PI4KB: variants seen among roughly 807,000 people sequenced by gnomAD.
The protein encoded by PI4KB is PtdIns 4-kinase beta.
Under a neutral mutation model 81.4 loss-of-function variants are expected in PI4KB, and 23 were observed. The observed-to-expected ratio is 0.28, with a 90% CI of 0.20 to 0.40. The LOEUF (loss-of-function observed/expected upper bound fraction) is 0.40. Ranked by LOEUF, PI4KB falls within the 10% of genes least tolerant of loss-of-function variation. PI4KB has a pLI of 1.00. For synonymous variants in PI4KB, 381 were observed against 406.8 expected (o/e 0.94, Z 0.76); for missense variants, 651 against 1,036.6 (o/e 0.63, Z 5.11).
intron 1 of PI4KB, among the ~76,000 whole-genome samples, chr1:151,324,578 G>A (rs1298267714): frequency 6.6e-6 from 1 of 152,142 alleles, no homozygotes; most frequent in East Asian, 1.9e-4. Context: ...CTAGCACGAG[G>A]GTAGGGAGGG....
chr1:151,305,168 G>A (rs1009189722), intron 5 of PI4KB, among the ~76,000 whole-genome samples: 1 of 152,160 alleles, frequency 6.6e-6, no homozygotes, highest in Non-Finnish European at 1.5e-5. Context: ...GTTTCACCTT[G>A]TTGGCCAGGC....
chr1:151,319,293 CAA>C (rs535069823), intron 1 of PI4KB, among the ~76,000 whole-genome samples: 16 of 109,720 alleles, frequency 1.5e-4, no homozygotes, highest in Admixed American at 1.9e-4. Context: ...GACTCTGTCT[CAA>C]AAAAAAAAAA....
At chr1:151,304,850 AG>A (rs1695620142) in intron 5 of PI4KB, among the ~76,000 whole-genome samples, 1 of 129,082 alleles carries the variant, frequency 7.7e-6, no homozygotes, top group East Asian at 2.4e-4. Flanking sequence ...TTTTCTTTTG[AG>A]ACGGAATTTT....
In PI4KB at chr1:151,294,397, T is replaced by G. The variant is rs773727750; in HGVS notation, c.2148+12A>C. The G allele has an allele frequency of 2.5e-6, 4 of 1,613,498 alleles. No individual in the cohort carries two copies. Among genetic ancestry groups the G allele is most frequent in the Non-Finnish European group, 3.4e-6 (4 of 1,179,844 alleles). On this transcript the variant is annotated intron_variant, in intron 10 of 11. Transcript: ENST00000368873. ...AATGACCCCCGAGAGGCACCTCTCC[T>G]TCTTGACTCACATCCACAAACTCTG...
Position 151,294,108 on chromosome 1 carries a change from TG to T in PI4KB, c.2178del (p.Phe726LeufsTer7). 6.2e-7 allele frequency: 1 copy of T among 1,613,996 alleles called. No individual in the cohort carries two copies. The highest frequency in any genetic ancestry group is 8.5e-7 in the Non-Finnish European group (1 of 1,179,950). On this transcript the variant is annotated frameshift_variant, in exon 11 of 12. Transcript: ENST00000368873. LOFTEE classifies it high-confidence loss of function. ...TGCAGCATCAGCATCTTATAGTAGT[TG>T]AACATGTCGCCATCCAGGCCGCCCA... Reference protein sequence around the residue: ...DVMGGLDGDMFNYYKMLMLQG... With the variant: ...DVMGGLDGDMXNYYKMLMLQG...
Position 151,293,914 on chromosome 1 carries a change from CT to C in PI4KB, c.2269+103del. 3 of 1,296,758 alleles carry C rather than the reference CT, an allele frequency of 2.3e-6. 1 individual carries two copies. The South Asian group carries it at 4.2e-5, about 18-fold the overall frequency. The allele number at this position is 1,296,758 out of a possible 1,614,324, so 80.3% of individuals were successfully genotyped here. A position where few individuals can be genotyped will look rare whatever the true frequency, so the allele number is the denominator to read the frequency against. ...AGCTAGAAACTCTCTGGGAACCCCC[CT>C]CCCTCAACCGAGTCTCGTGGGATCA... On this transcript the variant is annotated intron_variant, in intron 11 of 11. Transcript: ENST00000368873.
chr1:151,292,802 T>G lies in PI4KB; in HGVS notation c.*50A>C, dbSNP rs777252576. On this transcript the variant is annotated 3_prime_UTR_variant, in exon 12 of 12. Coordinates refer to ENST00000368873, the MANE Select transcript of PI4KB (RefSeq NM_001369623.2). ...TTTGGGGTTTCTCAGACAAGGGCCC[T>G]CTAGGGAGGGTGCCCTGGACCCCCC... 2.5e-6 allele frequency: 4 copies of G among 1,570,080 alleles called. No individual in the cohort carries two copies. In the East Asian group the frequency reaches 9.0e-5, roughly 35 times the overall value.
At position 151,292,044 on chromosome 1, in the gene PI4KB, TTTGTATCTTGGACACTGAGGCATCCG is replaced by T. The variant is rs1319398667; in HGVS notation, c.*782_*807del. The T allele has an allele frequency of 3.3e-5, 5 of 152,008 alleles. No individual in the cohort carries two copies. Among genetic ancestry groups the T allele is most frequent in the Non-Finnish European group, 7.3e-5 (5 of 68,030 alleles). 9.4% of individuals were successfully genotyped at this position (152,008 alleles called of 1,614,324 possible). ...AAAAGCAAACTTCTATGTAGTGCCT[TTTGTATCTTGGACACTGAGGCATCCG>T]TTCATACCTCATCACCCATCTCCCC... is the stretch of plus-strand genomic sequence containing the variant. On this transcript the variant is annotated 3_prime_UTR_variant, in exon 12 of 12. Transcript: ENST00000368873.
rs773714401 is a variant in PI4KB at position 151,310,225 on chromosome 1, T to C, written c.940A>G (p.Asn314Asp). Residue 314 changes from asparagine (N) to aspartate (D), a missense_variant, in exon 3 of 12, where the codon AAT becomes GAT. By Grantham distance (23) the Asn-to-Asp change is conservative. Coordinates refer to ENST00000368873, the MANE Select transcript of PI4KB (RefSeq NM_001369623.2). ...GCCCCACTTACGGAACTGAATGAAT[T>C]ATCAATACTCTCGGTGCTGGAGGAG... ...ELSSSTESID[N>D]SFSSPVRLAP... is the part of the protein sequence containing the mutation. 1 of 1,608,120 alleles carries C rather than the reference T, an allele frequency of 6.2e-7. No homozygotes were observed. Among genetic ancestry groups the C allele is most frequent in the Non-Finnish European group, 8.5e-7 (1 of 1,177,912 alleles).
chr1:151,324,101 C>T (rs895288574), intron 1 of PI4KB, among the ~76,000 whole-genome samples: 3 of 152,022 alleles, frequency 2.0e-5, no homozygotes, highest in Non-Finnish European at 4.4e-5. Context: ...CAGGCACACG[C>T]CACCACACCT....
At chr1:151,306,006 C>A (rs587712851) in intron 5 of PI4KB, 130 bp downstream of exon 5, 12 of 658,420 alleles carry the variant, frequency 1.8e-5, no homozygotes, top group Admixed American at 2.8e-5. Flanking sequence ...TATTACCCCT[C>A]ACTACCTACA....
intron 8 of PI4KB, among the ~76,000 whole-genome samples, chr1:151,300,148 A>C (rs951891454): frequency 1.3e-5 from 2 of 152,250 alleles, no homozygotes; most frequent in Non-Finnish European, 2.9e-5. Context: ...TCACATTTAG[A>C]TCTTCACCTT....
At chr1:151,296,907 C>T (rs1245125497) in intron 9 of PI4KB, among the ~76,000 whole-genome samples, 52 of 152,098 alleles carry the variant, frequency 3.4e-4, no homozygotes, top group Admixed American at 3.4e-3. Flanking sequence ...TCCTGAGTGG[C>T]TGGGATTACA....
chr1:151,316,205 GATC>G lies in PI4KB; in HGVS notation c.274_276del (p.Asp92del), dbSNP rs772984625. On this transcript the variant is annotated inframe_deletion, in exon 2 of 12. Transcript: ENST00000368873. The stretch of plus-strand genomic sequence containing the variant: ...TCCTCCTCCCTGATCTGGGCAGGTG[GATC>G]ATCTAGGCAACGGATCTCACTGTCC... 2 of 1,613,976 alleles carry G rather than the reference GATC, an allele frequency of 1.2e-6. No homozygotes were observed. The highest frequency in any genetic ancestry group is 1.7e-6 in the Non-Finnish European group (2 of 1,180,008).
intron 6 of PI4KB, among the ~76,000 whole-genome samples, chr1:151,302,668 C>T (rs1355369148): frequency 3.3e-5 from 5 of 150,678 alleles, no homozygotes; most frequent in Non-Finnish European, 5.9e-5. Flanking sequence ...AGCTCCGCCT[C>T]CTGGGTCCAC....
chr1:151,309,429 G>A lies in PI4KB; in HGVS notation c.954+782C>T, dbSNP rs147480026. Among the ~76,000 whole-genome samples the A allele has an allele frequency of 3.0e-3, 458 of 152,218 alleles. 6 individuals carry two copies. The highest frequency in any genetic ancestry group is 0.01 in the African/African-American group (428 of 41,522). ...AGGAGATAGGAATCATGACTGAAAG[G>A]GGATTAGCACAGAACAGAGAAAACT... On this transcript the variant is annotated intron_variant, in intron 3 of 11. Coordinates refer to ENST00000368873, the MANE Select transcript of PI4KB (RefSeq NM_001369623.2).
chr1:151,308,938 AG>A (rs1034159604), intron 3 of PI4KB, among the ~76,000 whole-genome samples: 5 of 152,234 alleles, frequency 3.3e-5, no homozygotes, highest in African/African-American at 9.6e-5. Context: ...AAAACTGGGG[AG>A]TATCAGGCCT....
chr1:151,312,256 C>T (rs948872537), intron 2 of PI4KB, among the ~76,000 whole-genome samples: 6 of 152,194 alleles, frequency 3.9e-5, no homozygotes, highest in Non-Finnish European at 7.4e-5. Context: ...TGAGCCTCTT[C>T]TTTGAGGCCC....
In PI4KB at chr1:151,325,592, G is replaced by A. The variant is rs181910931; in HGVS notation, c.-29+1679C>T. ...TATGGATCAAGTACGTGAGGAACAG[G>A]ACAGAAAATCAGCCACTTAATGCAC... On this transcript the variant is annotated intron_variant, in intron 1 of 11. Coordinates refer to ENST00000368873, the MANE Select transcript of PI4KB (RefSeq NM_001369623.2). 2.6e-5 allele frequency among the ~76,000 whole-genome samples: 4 copies of A among 152,272 alleles called. No individual in the cohort carries two copies. In the East Asian group the frequency reaches 7.7e-4, roughly 29 times the overall value.
Sources: allele counts gnomAD v4.1 joint callset (sites outside exome capture counted in the v4.1 genomes callset), GRCh38; gene constraint gnomAD v4.1.1; transcripts MANE v1.5; gene names NCBI Gene and HGNC (gene_info 2026-07-23, HGNC 2026-07-21).